DGKB: variants seen among roughly 807,000 people sequenced by gnomAD.
DGKB encodes the protein diacylglycerol kinase beta, also known as 90 kDa diacylglycerol kinase.
Under a neutral mutation model 114.3 loss-of-function variants are expected in DGKB, and 67 were observed. The ratio of observed to expected loss-of-function variants is 0.59; its 90% confidence interval spans 0.48 to 0.72. DGKB has a LOEUF of 0.72. Ranked by LOEUF, DGKB falls within the 30% of genes least tolerant of loss-of-function variation. The pLI is 0.00. For synonymous variants in DGKB, 398 were observed against 323.1 expected (o/e 1.23, Z -2.49); for missense variants, 907 against 975.2 (o/e 0.93, Z 0.93).
chr7:14,186,882 G>C (rs1393618125), intron 23 of DGKB, among the ~76,000 whole-genome samples: 2 of 152,128 alleles, frequency 1.3e-5, no homozygotes, highest in Non-Finnish European at 2.9e-5. Flanking sequence ...GAGTTGGAGA[G>C]GGGCGAGGGA....
intron 14 of DGKB, 73 bp from the exon 15 acceptor site, chr7:14,621,567 T>A (rs1807664598): frequency 8.9e-6 from 8 of 900,694 alleles, no homozygotes; most frequent in Non-Finnish European, 1.0e-5. Flanking sequence ...TTGTTTTTAC[T>A]AATAGAAGAG....
intron 21 of DGKB, among the ~76,000 whole-genome samples, chr7:14,451,876 T>C (rs765966522): frequency 1.1e-4 from 17 of 151,788 alleles, no homozygotes; most frequent in Non-Finnish European, 1.8e-4. Flanking sequence ...CAAAATGGGA[T>C]CAATTAAAGA....
chr7:14,174,210 C>T (rs974002276), intron 25 of DGKB, among the ~76,000 whole-genome samples: 4 of 152,128 alleles, frequency 2.6e-5, no homozygotes, highest in South Asian at 2.1e-4. Context: ...AGAGATGAAG[C>T]GTGCAGATGC....
intron 20 of DGKB, among the ~76,000 whole-genome samples, chr7:14,509,932 T>C (rs762312241): frequency 1.6e-4 from 24 of 152,208 alleles, no homozygotes; most frequent in Middle Eastern, 3.4e-3. Context: ...TCCCCGCACA[T>C]TGGGAGGCCG....
intron 23 of DGKB, among the ~76,000 whole-genome samples, chr7:14,249,115 T>A (rs1478381275): frequency 6.6e-6 from 1 of 152,238 alleles, no homozygotes; most frequent in Admixed American, 6.5e-5. Context: ...ATGGTTTTTG[T>A]ACATCATTCT....
intron 21 of DGKB, among the ~76,000 whole-genome samples, chr7:14,405,083 T>G (rs1195202357): frequency 7.4e-6 from 1 of 135,196 alleles, no homozygotes; most frequent in African/African-American, 2.8e-5. Context: ...ATTTAATATA[T>G]CTAAATTGAA....
intron 2 of DGKB, among the ~76,000 whole-genome samples, chr7:14,802,012 G>T (rs1842240344): frequency 6.6e-6 from 1 of 151,526 alleles, no homozygotes; most frequent in African/African-American, 2.4e-5. Flanking sequence ...TGTTTTCCTG[G>T]AGAGAAACAC....
intron 19 of DGKB, among the ~76,000 whole-genome samples, chr7:14,575,324 A>C (rs1215278625): frequency 6.6e-6 from 1 of 152,216 alleles, no homozygotes; most frequent in African/African-American, 2.4e-5. Flanking sequence ...CCCAGCCTGC[A>C]ATAGAGTAAA....
At chr7:14,648,304 G>C (rs990303945) in intron 13 of DGKB, among the ~76,000 whole-genome samples, 11 of 152,248 alleles carry the variant, frequency 7.2e-5, no homozygotes, top group Admixed American at 3.3e-4. Context: ...ATCTGAGAAC[G>C]GGCAGACTGC....
chr7:14,822,582 C>G (rs1457637680), intron 2 of DGKB, among the ~76,000 whole-genome samples: 2 of 152,060 alleles, frequency 1.3e-5, no homozygotes, highest in African/African-American at 2.4e-5. Flanking sequence ...AGAAGCCAGA[C>G]AGCTAAGTAG....
intron 20 of DGKB, among the ~76,000 whole-genome samples, chr7:14,508,915 C>T (rs1422820288): frequency 6.6e-6 from 1 of 152,146 alleles, no homozygotes; most frequent in East Asian, 1.9e-4. Context: ...AGGAACATCA[C>T]ATTCATTCTT....
At chr7:14,758,009 C>A (rs10226709) in intron 2 of DGKB, among the ~76,000 whole-genome samples, 57,376 of 151,814 alleles carry the variant, frequency 0.38, 15,712 homozygotes, top group African/African-American at 0.76. Context: ...TTTAGAGGGA[C>A]GCTATAGATT....
At chr7:14,536,819 C>T (rs1792576832) in intron 20 of DGKB, among the ~76,000 whole-genome samples, 1 of 144,408 alleles carries the variant, frequency 6.9e-6, no homozygotes, top group African/African-American at 2.6e-5. Flanking sequence ...CTGGAAGTGC[C>T]AGCAAGAGCA....
intron 13 of DGKB, among the ~76,000 whole-genome samples, chr7:14,635,611 A>C (rs1810597199): frequency 6.6e-6 from 1 of 151,626 alleles, no homozygotes; most frequent in Admixed American, 6.6e-5. Context: ...CATCCTATTG[A>C]CTATTTTTTC....
At chr7:14,760,210 G>C (rs1233422705) in intron 2 of DGKB, among the ~76,000 whole-genome samples, 2 of 151,814 alleles carry the variant, frequency 1.3e-5, no homozygotes, top group Non-Finnish European at 2.9e-5. Flanking sequence ...ATAATTTGCT[G>C]GCATTTTCCA....
chr7:14,294,053 C>A (rs1802156936), intron 23 of DGKB, among the ~76,000 whole-genome samples: 1 of 152,122 alleles, frequency 6.6e-6, no homozygotes, highest in African/African-American at 2.4e-5. Context: ...TTTCTGGAGG[C>A]TCAATGGAAT....
At chr7:14,886,151 A>C (rs1018763774) in intron 1 of DGKB, among the ~76,000 whole-genome samples, 5 of 151,918 alleles carry the variant, frequency 3.3e-5, no homozygotes, top group Non-Finnish European at 7.4e-5. Context: ...ACGGGCAGAA[A>C]TTGAAAGAAA....
intron 20 of DGKB, among the ~76,000 whole-genome samples, chr7:14,520,482 C>A (rs1280822505): frequency 6.6e-6 from 1 of 151,652 alleles, no homozygotes; most frequent in Non-Finnish European, 1.5e-5. Flanking sequence ...TTCCTCTAAA[C>A]CCTGCTTTAG....
chr7:14,406,906 A>G (rs1455297281), intron 21 of DGKB, among the ~76,000 whole-genome samples: 2 of 152,124 alleles, frequency 1.3e-5, no homozygotes, highest in Admixed American at 6.6e-5. Context: ...CAGAGAAGAC[A>G]TAGAAATGAA....
Sources: gnomAD v4.1 joint callset for allele counts (sites outside exome capture counted in the v4.1 genomes callset) on GRCh38, gnomAD v4.1.1 for gene constraint, MANE v1.5 for transcripts, NCBI Gene and HGNC (gene_info 2026-07-23, HGNC 2026-07-21) for gene names.